Variants in GPHN observed in about 807,000 individuals in gnomAD.
GPHN encodes gephyrin.
A neutral mutation model predicts 95.5 loss-of-function variants in GPHN; 17 were observed. The ratio of observed to expected loss-of-function variants is 0.18; its 90% CI spans 0.12 to 0.27. The LOEUF is 0.27. Ranked by LOEUF, GPHN falls within the 10% of genes least tolerant of loss-of-function variation. The pLI is 1.00. For missense variants in GPHN, 660 were observed against 978.1 expected (o/e 0.67, Z 4.34); for synonymous variants, 320 against 322.5 (o/e 0.99, Z 0.08).
chr14:67,116,561 AAAAG>A (rs1453611711), intron 16 of GPHN, among the ~76,000 whole-genome samples: 12 of 152,230 alleles, frequency 7.9e-5, no homozygotes, highest in Non-Finnish European at 1.2e-4. Context: ...CATAATCCAA[AAAAG>A]AAAGAAAGAG....
chr14:66,613,876 A>G (rs980475414), intron 1 of GPHN, among the ~76,000 whole-genome samples: 2 of 152,140 alleles, frequency 1.3e-5, no homozygotes, highest in Non-Finnish European at 2.9e-5. Flanking sequence ...TTATTAATGC[A>G]TAAGCATTCC....
chr14:67,282,797 A>T, the GPHN span, among the ~76,000 whole-genome samples: 2 of 152,116 alleles, frequency 1.3e-5, no homozygotes, highest in Non-Finnish European at 2.9e-5. Context: ...ATCAGAGCAA[A>T]CTACCTTGTG....
the GPHN span, chr14:67,620,916 G>C: frequency 6.2e-7 from 1 of 1,614,144 alleles, no homozygotes; most frequent in Non-Finnish European, 8.5e-7. Context: ...GTGGAGCATG[G>C]TCCCGCTGCC....
At chr14:67,654,203 C>T in the GPHN span, among the ~76,000 whole-genome samples, 1 of 152,196 alleles carries the variant, frequency 6.6e-6, no homozygotes, top group African/African-American at 2.4e-5. Flanking sequence ...ACCTCCCAGG[C>T]TCAAGCAATA....
At chr14:67,195,095 G>C in the GPHN span, among the ~76,000 whole-genome samples, 2 of 152,076 alleles carry the variant, frequency 1.3e-5, no homozygotes, top group Non-Finnish European at 2.9e-5. Flanking sequence ...ACAAAACCAG[G>C]CAAAATTTAG....
chr14:66,859,387 C>G (rs1423066220), intron 4 of GPHN, among the ~76,000 whole-genome samples: 1 of 152,212 alleles, frequency 6.6e-6, no homozygotes, highest in Admixed American at 6.5e-5. Flanking sequence ...GATAATTTTT[C>G]TGGACTTTAA....
At chr14:67,716,956 A>G in the GPHN span, among the ~76,000 whole-genome samples, 1 of 152,076 alleles carries the variant, frequency 6.6e-6, no homozygotes, top group African/African-American at 2.4e-5. Flanking sequence ...ACATTTTACT[A>G]TACCAGTTTT....
At chr14:67,330,749 G>A in the GPHN span, among the ~76,000 whole-genome samples, 1 of 111,802 alleles carries the variant, frequency 8.9e-6, no homozygotes, top group East Asian at 5.7e-4. Flanking sequence ...TGAGCCCCCG[G>A]CACCCCGCTT....
chr14:66,508,710 C>A (rs929247796), intron 1 of GPHN, 119 bp downstream of exon 1: 4 of 903,546 alleles, frequency 4.4e-6, no homozygotes, highest in African/African-American at 1.6e-5. Flanking sequence ...AAGAAGGGAA[C>A]CGCGGGGGTG....
chr14:67,094,503 CA>C (rs2077270578), intron 12 of GPHN, among the ~76,000 whole-genome samples: 1 of 152,138 alleles, frequency 6.6e-6, no homozygotes, highest in Non-Finnish European at 1.5e-5. Flanking sequence ...TCTAAATCTG[CA>C]GAAGTCCTTC....
At chr14:67,621,513 T>C in the GPHN span, among the ~76,000 whole-genome samples, 2 of 151,906 alleles carry the variant, frequency 1.3e-5, no homozygotes, top group East Asian at 3.9e-4. Flanking sequence ...TGGAGTGCAG[T>C]GATGCAATAT....
At chr14:67,219,414 C>T in the GPHN span, among the ~76,000 whole-genome samples, 1 of 152,168 alleles carries the variant, frequency 6.6e-6, no homozygotes, top group Non-Finnish European at 1.5e-5. Context: ...CCTCCAGTGA[C>T]CTTCCTTTGA....
At chr14:67,235,432 A>G in the GPHN span, among the ~76,000 whole-genome samples, 1 of 152,114 alleles carries the variant, frequency 6.6e-6, no homozygotes, top group East Asian at 1.9e-4. Context: ...AAAATTTCTC[A>G]GGGCCAGGCG....
intron 8 of GPHN, among the ~76,000 whole-genome samples, chr14:66,937,936 A>G (rs1254414574): frequency 6.6e-6 from 1 of 152,128 alleles, no homozygotes; most frequent in African/African-American, 2.4e-5. Flanking sequence ...GGTCACCAAA[A>G]TTTTATTCCC....
chr14:66,774,208 T>G (rs1174328108), intron 2 of GPHN, among the ~76,000 whole-genome samples: 2 of 151,804 alleles, frequency 1.3e-5, no homozygotes, highest in Admixed American at 6.6e-5. Context: ...TTCACCATGT[T>G]AGCCAGGATG....
chr14:66,601,917 T>C (rs1191442821), intron 1 of GPHN, among the ~76,000 whole-genome samples: 2 of 151,974 alleles, frequency 1.3e-5, no homozygotes, highest in Non-Finnish European at 2.9e-5. Flanking sequence ...AGAGGGAATA[T>C]TTTAAACCAA....
At chr14:67,460,287 C>T in the GPHN span, among the ~76,000 whole-genome samples, 5 of 152,100 alleles carry the variant, frequency 3.3e-5, no homozygotes, top group South Asian at 2.1e-4. Context: ...GATCCTGGTG[C>T]GGCTAATTAT....
At chr14:67,600,224 C>G in the GPHN span, 2 of 1,547,802 alleles carry the variant, frequency 1.3e-6, no homozygotes, top group Non-Finnish European at 8.7e-7. Context: ...CTCGGCCGCC[C>G]GCACCGCGCG....
At chr14:67,347,267 A>G in the GPHN span, 3 of 665,796 alleles carry the variant, frequency 4.5e-6, no homozygotes, top group Non-Finnish European at 7.7e-6. Context: ...CTGATCAACT[A>G]TTGTCCTGAC....
Sources: allele counts gnomAD v4.1 joint callset (sites outside exome capture counted in the v4.1 genomes callset), GRCh38; gene constraint gnomAD v4.1.1; transcripts MANE v1.5; gene names NCBI Gene and HGNC (gene_info 2026-07-23, HGNC 2026-07-21).